PTPRD: variants seen among roughly 807,000 people sequenced by gnomAD.
PTPRD encodes protein tyrosine phosphatase receptor type D.
Under a neutral mutation model 214.5 loss-of-function variants are expected in PTPRD, and 34 were observed. The ratio of observed to expected loss-of-function variants is 0.16; its 90% confidence interval spans 0.12 to 0.21. The LOEUF (loss-of-function observed/expected upper bound fraction) is 0.21. Ranked by LOEUF, PTPRD falls within the 10% of genes least tolerant of loss-of-function variation. The pLI is 1.00. For missense variants in PTPRD, 2,545 were observed against 2,398.7 expected (o/e 1.06, Z -1.27); for synonymous variants, 1,128 against 845.7 (o/e 1.33, Z -5.79).
At chr9:9,519,393 A>G (rs1206121620) in intron 8 of PTPRD, among the ~76,000 whole-genome samples, 1 of 151,918 alleles carries the variant, frequency 6.6e-6, no homozygotes, top group African/African-American at 2.4e-5. Flanking sequence ...GAAAGAATCA[A>G]CAGTTACAGG....
chr9:8,411,243 T>C (rs1208869525), intron 35 of PTPRD, among the ~76,000 whole-genome samples: 1 of 152,046 alleles, frequency 6.6e-6, no homozygotes, highest in African/African-American at 2.4e-5. Flanking sequence ...ACTTTAAGAT[T>C]AAAGATTTAA....
chr9:9,909,430 G>C lies in PTPRD; in HGVS notation c.-368+29077C>G, dbSNP rs138275199. Among the ~76,000 whole-genome samples the C allele has an allele frequency of 6.1e-3, 894 of 146,558 alleles. 9 individuals are homozygous for C. The highest frequency in any genetic ancestry group is 0.022 in the African/African-American group (850 of 39,386). ...AAGACTTTAAAATATTTACATATCT[G>C]TATAAATGCAAATTTATTAAAAATG... On this transcript the variant is annotated intron_variant, in intron 5 of 45. Transcript: ENST00000381196.
chr9:9,679,121 G>GA (rs35030963), intron 7 of PTPRD, among the ~76,000 whole-genome samples: 70,212 of 141,258 alleles, frequency 0.5, 18,186 homozygotes, highest in Non-Finnish European at 0.58. Flanking sequence ...GAAAAAGGGG[G>GA]AAAAAAAAAA....
chr9:10,577,355 T>C (rs1387496879), intron 2 of PTPRD, among the ~76,000 whole-genome samples: 1 of 152,240 alleles, frequency 6.6e-6, no homozygotes, highest in East Asian at 1.9e-4. Context: ...ACTGCTGAGC[T>C]ATTGATCATT....
chr9:9,599,441 A>T (rs926053775), intron 7 of PTPRD, among the ~76,000 whole-genome samples: 3 of 152,042 alleles, frequency 2.0e-5, no homozygotes, highest in African/African-American at 7.2e-5. Flanking sequence ...CCCGATGTTC[A>T]CCATAACAGT....
chr9:9,621,178 G>A (rs2095220030), intron 7 of PTPRD, among the ~76,000 whole-genome samples: 1 of 152,124 alleles, frequency 6.6e-6, no homozygotes, highest in Admixed American at 6.6e-5. Flanking sequence ...TGAATACTTG[G>A]CAACAAGAAA....
chr9:9,783,022 T>C (rs2098869691), intron 5 of PTPRD, among the ~76,000 whole-genome samples: 1 of 152,208 alleles, frequency 6.6e-6, no homozygotes, highest in African/African-American at 2.4e-5. Flanking sequence ...TCATGGAATT[T>C]ATTATTCTGC....
chr9:10,383,568 A>G (rs2097859042), intron 2 of PTPRD, among the ~76,000 whole-genome samples: 1 of 151,662 alleles, frequency 6.6e-6, no homozygotes, highest in Non-Finnish European at 1.5e-5. Context: ...ATTTTAACTC[A>G]CTTTTCTTTT....
intron 9 of PTPRD, among the ~76,000 whole-genome samples, chr9:9,380,226 G>C (rs1246934930): frequency 6.6e-6 from 1 of 151,994 alleles, no homozygotes; most frequent in Non-Finnish European, 1.5e-5. Context: ...CATCTCTCTA[G>C]ACACTACTTT....
At chr9:8,604,790 C>G (rs1595055864) in intron 14 of PTPRD, among the ~76,000 whole-genome samples, 1 of 152,056 alleles carries the variant, frequency 6.6e-6, no homozygotes, top group Non-Finnish European at 1.5e-5. Context: ...AGTTTTCAGG[C>G]TTTCATAAAC....
chr9:9,318,434 A>T (rs752896986), intron 9 of PTPRD, among the ~76,000 whole-genome samples: 2 of 152,078 alleles, frequency 1.3e-5, no homozygotes, highest in Non-Finnish European at 2.9e-5. Flanking sequence ...AATTCCAAGA[A>T]ATGATCATAG....
chr9:9,380,836 G>T (rs10435749), intron 9 of PTPRD, among the ~76,000 whole-genome samples: 36,354 of 151,840 alleles, frequency 0.24, 4,421 homozygotes, highest in Middle Eastern at 0.37. Flanking sequence ...ATCAGTTTCT[G>T]CCTCTTGTAT....
intron 2 of PTPRD, among the ~76,000 whole-genome samples, chr9:10,352,706 A>T (rs1478524144): frequency 2.0e-5 from 3 of 152,090 alleles, no homozygotes; most frequent in Non-Finnish European, 2.9e-5. Flanking sequence ...CTATTTGATT[A>T]TTCAATGATG....
chr9:9,612,017 A>C (rs1052053351), intron 7 of PTPRD, among the ~76,000 whole-genome samples: 1 of 152,084 alleles, frequency 6.6e-6, no homozygotes, highest in Non-Finnish European at 1.5e-5. Flanking sequence ...ATTTAACATG[A>C]CTATCAATAT....
chr9:8,611,574 G>T (rs1244402446), intron 14 of PTPRD, among the ~76,000 whole-genome samples: 1 of 151,974 alleles, frequency 6.6e-6, no homozygotes, highest in Non-Finnish European at 1.5e-5. Context: ...GCATGGTGGT[G>T]TGCACCTGTA....
At position 8,976,613 on chromosome 9, in the gene PTPRD, T is replaced by A. The variant is rs1426427237; in HGVS notation, c.-104+42084A>T. 3.9e-5 allele frequency among the ~76,000 whole-genome samples: 6 copies of A among 152,236 alleles called. 1 individual carries two copies. The highest frequency in any genetic ancestry group is 2.6e-4 in the Admixed American group (4 of 15,282). The stretch of plus-strand genomic sequence containing the variant: ...TAAGATTGTCAGTGTAAAGAAAAGT[T>A]TTGTCTAATTCAATTTTGGCCTTGT... On this transcript the variant is annotated intron_variant, in intron 11 of 45. Transcript: ENST00000381196.
intron 3 of PTPRD, among the ~76,000 whole-genome samples, chr9:10,246,298 C>A (rs562098921): frequency 2.0e-4 from 31 of 152,276 alleles, no homozygotes; most frequent in African/African-American, 7.2e-4. Flanking sequence ...GGCTGGAGTG[C>A]AATAGCTCGG....
In PTPRD at chr9:8,475,687, C is replaced by T. The variant is rs992823173; in HGVS notation, c.3414-4602G>A. Among the ~76,000 whole-genome samples, 9 of 152,286 alleles carry T rather than the reference C, an allele frequency of 5.9e-5. No homozygotes were observed. The South Asian group carries it at 1.9e-3, about 32-fold the overall frequency. The stretch of plus-strand genomic sequence containing the variant: ...TTGCACTACAATCCATTTCAGTGCA[C>T]AAGCCAGAAACCTAGGTGTTATCAT... On this transcript the variant is annotated intron_variant, in intron 30 of 45. Transcript: ENST00000381196.
At chr9:8,538,356 A>T (rs1475541515) in intron 14 of PTPRD, among the ~76,000 whole-genome samples, 1 of 151,904 alleles carries the variant, frequency 6.6e-6, no homozygotes, top group East Asian at 1.9e-4. Flanking sequence ...AAAATAGTAA[A>T]CAAGGAAAGA....
Sources: gnomAD v4.1 joint callset for allele counts (sites outside exome capture counted in the v4.1 genomes callset) on GRCh38, gnomAD v4.1.1 for gene constraint, MANE v1.5 for transcripts, NCBI Gene and HGNC (gene_info 2026-07-23, HGNC 2026-07-21) for gene names.